Variants in CALN1 observed in about 807,000 individuals in gnomAD.
The protein encoded by CALN1 is calneuron 1.
Under a neutral mutation model 30.6 loss-of-function variants are expected in CALN1, and 17 were observed. That is an observed-to-expected ratio of 0.56 (90% confidence interval 0.38 to 0.83). The LOEUF is 0.83. CALN1 is among the 40% of genes least tolerant of loss of function. CALN1 has a pLI of 0.00. For synonymous variants in CALN1, 156 were observed against 131.4 expected (o/e 1.19, Z -1.28); for missense variants, 291 against 354.9 (o/e 0.82, Z 1.45).
At chr7:72,466,310 T>C in the CALN1 span, among the ~76,000 whole-genome samples, 1 of 152,092 alleles carries the variant, frequency 6.6e-6, no homozygotes, top group Non-Finnish European at 1.5e-5. Context: ...AAGGAACTGG[T>C]TCTGCCTTCC....
intron 1 of CALN1, among the ~76,000 whole-genome samples, chr7:72,404,653 T>C (rs1432698800): frequency 6.6e-6 from 1 of 152,082 alleles, no homozygotes; most frequent in Non-Finnish European, 1.5e-5. Context: ...CTGGGAAGAG[T>C]CCCTCTGCCC....
At chr7:71,959,845 A>G (rs900884672) in intron 5 of CALN1, among the ~76,000 whole-genome samples, 1 of 151,986 alleles carries the variant, frequency 6.6e-6, no homozygotes, top group East Asian at 1.9e-4. Context: ...TTAAAAATGC[A>G]TATTTAGGCC....
At chr7:72,068,631 A>T (rs376963327) in intron 4 of CALN1, among the ~76,000 whole-genome samples, 62 of 152,220 alleles carry the variant, frequency 4.1e-4, no homozygotes, top group African/African-American at 1.5e-3. Flanking sequence ...AGGATAACAG[A>T]CGCCCGCCAC....
At chr7:72,311,478 T>C (rs1275641948) in intron 2 of CALN1, among the ~76,000 whole-genome samples, 2 of 151,814 alleles carry the variant, frequency 1.3e-5, no homozygotes, top group African/African-American at 2.4e-5. Context: ...TTCTTTTTTC[T>C]TTTTTGTGTG....
At chr7:72,367,524 C>T (rs1360165843) in intron 2 of CALN1, among the ~76,000 whole-genome samples, 1 of 152,084 alleles carries the variant, frequency 6.6e-6, no homozygotes, top group Non-Finnish European at 1.5e-5. Flanking sequence ...ACTTGGAAGG[C>T]TGAGACAGGA....
At chr7:72,030,160 T>G (rs759862129) in intron 4 of CALN1, among the ~76,000 whole-genome samples, 11 of 152,202 alleles carry the variant, frequency 7.2e-5, no homozygotes, top group Non-Finnish European at 1.3e-4. Context: ...AACCCACACT[T>G]TGGTATATTT....
intron 5 of CALN1, among the ~76,000 whole-genome samples, chr7:72,000,228 T>C (rs189746316): frequency 6.0e-4 from 91 of 152,034 alleles, no homozygotes; most frequent in Admixed American, 1.6e-3. Flanking sequence ...AGAAAAATCA[T>C]TGAAACAAAA....
intron 3 of CALN1, among the ~76,000 whole-genome samples, chr7:72,218,342 G>A (rs538477564): frequency 2.0e-5 from 3 of 152,088 alleles, no homozygotes; most frequent in Admixed American, 2.0e-4. Context: ...TAGCTACTCA[G>A]GAAGCTAAGG....
chr7:71,981,812 G>C (rs1313908988), intron 5 of CALN1, among the ~76,000 whole-genome samples: 2 of 152,126 alleles, frequency 1.3e-5, no homozygotes, highest in Non-Finnish European at 2.9e-5. Flanking sequence ...CTCCCGGCTT[G>C]TGTCTGCTGC....
chr7:71,886,362 C>T (rs1792908455), intron 5 of CALN1, among the ~76,000 whole-genome samples: 1 of 152,238 alleles, frequency 6.6e-6, no homozygotes, highest in South Asian at 2.1e-4. Context: ...CTTCAGTGTC[C>T]AATGCTTCAG....
intron 2 of CALN1, among the ~76,000 whole-genome samples, chr7:72,338,605 C>T (rs530611601): frequency 1.3e-4 from 20 of 150,510 alleles, no homozygotes; most frequent in Admixed American, 1.0e-3. Context: ...CATTTCCTAA[C>T]CTGTATTATT....
At chr7:71,950,907 G>A (rs1008524595) in intron 5 of CALN1, among the ~76,000 whole-genome samples, 1 of 152,048 alleles carries the variant, frequency 6.6e-6, no homozygotes, top group African/African-American at 2.4e-5. Context: ...TCATAAAGCC[G>A]GCTCCACCCT....
At chr7:71,830,011 G>A (rs1320535787) in intron 5 of CALN1, among the ~76,000 whole-genome samples, 2 of 149,286 alleles carry the variant, frequency 1.3e-5, no homozygotes, top group Non-Finnish European at 3.0e-5. Flanking sequence ...TTCTATGTGT[G>A]TATGTGTGCA....
chr7:72,155,516 A>G (rs11763937), intron 3 of CALN1, among the ~76,000 whole-genome samples: 4,728 of 151,768 alleles, frequency 0.031, 167 homozygotes, highest in East Asian at 0.056. Flanking sequence ...GAGAGAGAGA[A>G]AAAGAAAAAG....
At chr7:72,379,239 C>G (rs1804747895) in intron 2 of CALN1, among the ~76,000 whole-genome samples, 1 of 152,176 alleles carries the variant, frequency 6.6e-6, no homozygotes. Context: ...AAGCAATCCT[C>G]CCACCACACC....
intron 5 of CALN1, among the ~76,000 whole-genome samples, chr7:71,832,866 A>G (rs1212087054): frequency 6.6e-6 from 1 of 151,044 alleles, no homozygotes; most frequent in Non-Finnish European, 1.5e-5. Flanking sequence ...TTGGCCTCCC[A>G]AAGTGCTGGG....
chr7:72,342,511 G>C (rs1345168880), intron 2 of CALN1, among the ~76,000 whole-genome samples: 1 of 152,108 alleles, frequency 6.6e-6, no homozygotes. Flanking sequence ...AACTCAACAT[G>C]GAACAAAATG....
At chr7:72,454,853 T>C in the CALN1 span, among the ~76,000 whole-genome samples, 1 of 151,296 alleles carries the variant, frequency 6.6e-6, no homozygotes, top group Admixed American at 6.6e-5. Context: ...TTTTTTGAGA[T>C]GGAGTTTCGC....
chr7:71,884,129 G>C (rs903718480), intron 5 of CALN1, among the ~76,000 whole-genome samples: 1 of 152,050 alleles, frequency 6.6e-6, no homozygotes, highest in African/African-American at 2.4e-5. Context: ...TGGCCAGGAT[G>C]GTCTTGATCT....
Sources: gnomAD v4.1 joint callset for allele counts (sites outside exome capture counted in the v4.1 genomes callset) on GRCh38, gnomAD v4.1.1 for gene constraint, MANE v1.5 for transcripts, NCBI Gene and HGNC (gene_info 2026-07-23, HGNC 2026-07-21) for gene names.